The following USP47 variants were observed in gnomAD, a reference collection of about 807,000 sequenced individuals.
USP47 encodes the protein ubiquitin carboxyl-terminal hydrolase 47.
USP47 carries 35 observed loss-of-function variants against 165.1 expected under a neutral mutation model. The observed-to-expected ratio is 0.21, with a 90% CI of 0.16 to 0.28. The LOEUF is 0.28. Ranked by LOEUF, USP47 falls within the 10% of genes least tolerant of loss-of-function variation. The pLI is 1.00. For synonymous variants in USP47, 531 were observed against 544.5 expected (o/e 0.98, Z 0.35); for missense variants, 1,277 against 1,607.4 (o/e 0.79, Z 3.52).
chr11:11,854,832 G>A lies in USP47; in HGVS notation c.39+12608G>A, dbSNP rs1365845442. 3.5e-4 allele frequency among the ~76,000 whole-genome samples: 52 copies of A among 146,970 alleles called. 6 individuals carry two copies. Among genetic ancestry groups the A allele is most frequent in the Non-Finnish European group, 6.4e-4 (42 of 65,556 alleles). On this transcript the variant is annotated intron_variant, in intron 1 of 27. Transcript: ENST00000527733. ...ACATAGGCCGGGTGTGGTGGCTCAC[G>A]CCTGTAATCCCAGCACTTTGGGAGG...
intron 5 of USP47, among the ~76,000 whole-genome samples, chr11:11,901,556 T>A (rs556077945): frequency 2.0e-5 from 3 of 152,218 alleles, no homozygotes; most frequent in African/African-American, 7.2e-5. Context: ...TAGACTGCTG[T>A]TTATCATAAG....
chr11:11,939,520 AAAGT>A (rs1383291349), intron 18 of USP47, among the ~76,000 whole-genome samples: 2 of 152,092 alleles, frequency 1.3e-5, no homozygotes, highest in Non-Finnish European at 2.9e-5. Flanking sequence ...CAATTTTGCT[AAAGT>A]AATAACCAAG....
chr11:11,877,803 C>CTCTCTCTT (rs1850545871), intron 1 of USP47, among the ~76,000 whole-genome samples: 2 of 42,958 alleles, frequency 4.7e-5, no homozygotes, highest in Non-Finnish European at 9.5e-5. Context: ...CTCTCTCTCT[C>CTCTCTCTT]TCTGTGTGTG....
intron 20 of USP47, among the ~76,000 whole-genome samples, chr11:11,947,194 G>A (rs72857634): frequency 0.13 from 19,452 of 152,128 alleles, 1,586 homozygotes; most frequent in Middle Eastern, 0.38. Flanking sequence ...TATAAAATTA[G>A]GGACAAAAGA....
chr11:11,891,457 T>C (rs897526185), intron 3 of USP47, among the ~76,000 whole-genome samples: 33 of 152,254 alleles, frequency 2.2e-4, no homozygotes, highest in African/African-American at 7.7e-4. Flanking sequence ...AGATTTTGAT[T>C]AGTCTGAGTG....
At chr11:11,911,258 T>G (rs576183819) in intron 8 of USP47, among the ~76,000 whole-genome samples, 3 of 152,116 alleles carry the variant, frequency 2.0e-5, no homozygotes, top group Non-Finnish European at 4.4e-5. Flanking sequence ...TAGCACTGTG[T>G]CATTGGAATA....
At position 11,956,098 on chromosome 11, in the gene USP47, A is replaced by G. The variant is rs1354736329; in HGVS notation, c.3991A>G (p.Thr1331Ala). The G allele has an allele frequency of 1.9e-6, 3 of 1,613,804 alleles. No homozygotes were observed. The highest frequency in any genetic ancestry group is 1.7e-6 in the Non-Finnish European group (2 of 1,179,892). The change falls in exon 28 of 28, where the codon ACA becomes GCA. Residue 1331 changes from threonine to alanine, a missense_variant. Coordinates refer to ENST00000527733, the MANE Select transcript of USP47 (RefSeq NM_001282659.2). The stretch of plus-strand genomic sequence containing the variant: ...ACTCCAGAAGACTGGACATCGTGTA[A>G]CATACTCACCTCGTAAAGAGAAAGC... ...SRLQKTGHRV[T>A]YSPRKEKALK... is the part of the protein sequence containing the mutation.
At chr11:11,881,050 A>G (rs1850795821) in intron 2 of USP47, among the ~76,000 whole-genome samples, 3 of 152,036 alleles carry the variant, frequency 2.0e-5, no homozygotes, top group African/African-American at 7.2e-5. Context: ...TATCCATTAT[A>G]TTTAGTTTCT....
chr11:11,884,605 T>A (rs1468062048), intron 3 of USP47, 25 bp downstream of exon 3: 1 of 1,557,588 alleles, frequency 6.4e-7, no homozygotes, highest in South Asian at 1.2e-5. Flanking sequence ...AAGCCCCATA[T>A]TTATAATTTT....
Position 11,957,932 on chromosome 11 carries a change from A to C in USP47, c.*1757A>C, listed in dbSNP as rs1847279479. 6.6e-6 allele frequency: 1 copy of C among 152,200 alleles called. No individual in the cohort carries two copies. Among genetic ancestry groups the C allele is most frequent in the Admixed American group, 6.5e-5 (1 of 15,270 alleles). 9.4% of individuals were successfully genotyped at this position (152,200 alleles called of 1,614,324 possible). A position where few individuals can be genotyped will look rare whatever the true frequency, so the allele number is the denominator to read the frequency against. ...GCATTTAGCGAAATTTGACTGAAGT[A>C]ATGTTCTGAGTTTGCATTAGTGGGA... On this transcript the variant is annotated 3_prime_UTR_variant, in exon 28 of 28. Coordinates refer to ENST00000527733, the MANE Select transcript of USP47 (RefSeq NM_001282659.2).
At chr11:11,910,252 A>G (rs1852866459) in intron 8 of USP47, among the ~76,000 whole-genome samples, 1 of 152,218 alleles carries the variant, frequency 6.6e-6, no homozygotes, top group Non-Finnish European at 1.5e-5. Flanking sequence ...TCAGCACCCA[A>G]GGAATAACAC....
intron 1 of USP47, among the ~76,000 whole-genome samples, chr11:11,848,182 A>AC (rs1304617612): frequency 1.3e-5 from 2 of 152,226 alleles, no homozygotes; most frequent in African/African-American, 4.8e-5. Flanking sequence ...CTGCAGAACT[A>AC]TAGTCACTTG....
intron 1 of USP47, among the ~76,000 whole-genome samples, chr11:11,852,702 CTGTT>C (rs1848796244): frequency 6.6e-6 from 1 of 152,122 alleles, no homozygotes; most frequent in Admixed American, 6.5e-5. Flanking sequence ...AATTGTGTTT[CTGTT>C]TGTTTGGGGT....
At chr11:11,880,423 A>ATTG (rs1317677774) in intron 2 of USP47, 43 bp downstream of exon 2, 1 of 1,246,698 alleles carries the variant, frequency 8.0e-7, no homozygotes, top group African/African-American at 1.6e-5. Flanking sequence ...TATTATAGCC[A>ATTG]TTGTTGTTGT....
intron 20 of USP47, among the ~76,000 whole-genome samples, chr11:11,947,221 T>A (rs1855901185): frequency 6.6e-6 from 1 of 152,098 alleles, no homozygotes; most frequent in South Asian, 2.1e-4. Context: ...TAATAAGCAT[T>A]AGGGAAAAAC....
intron 1 of USP47, among the ~76,000 whole-genome samples, chr11:11,843,944 T>G (rs1848286789): frequency 1.3e-5 from 2 of 152,202 alleles, no homozygotes; most frequent in Non-Finnish European, 2.9e-5. Flanking sequence ...TGTCTATTCC[T>G]TAGTCTCATC....
chr11:11,900,515 G>A (rs1258098221), intron 5 of USP47, among the ~76,000 whole-genome samples: 1 of 152,120 alleles, frequency 6.6e-6, no homozygotes, highest in Non-Finnish European at 1.5e-5. Context: ...TTGATTTGGA[G>A]TCATATACGT....
chr11:11,885,927 T>C (rs1006157587), intron 3 of USP47, among the ~76,000 whole-genome samples: 1 of 152,202 alleles, frequency 6.6e-6, no homozygotes, highest in Non-Finnish European at 1.5e-5. Flanking sequence ...TCACTGGTGA[T>C]ACCTCCAGGT....
rs748156116 is a variant in USP47 at position 11,943,009 on chromosome 11, T to C, written c.2988T>C (p.Asp996=). The part of the protein sequence containing the change: ...WDTAEEDSGT[D]SEYDESGKSR... ...CAGCAGAAGAAGACTCTGGAACTGA[T>C]AGTGAATATGATGAGAGTGGCAAGA... is the stretch of plus-strand genomic sequence containing the variant. Residue 996 remains aspartate, a synonymous_variant, in exon 20 of 28, where the codon GAT becomes GAC. Transcript: ENST00000527733. The C allele has an allele frequency of 6.2e-7, 1 of 1,613,508 alleles. No homozygotes were observed. The highest frequency in any genetic ancestry group is 1.1e-5 in the South Asian group (1 of 91,052).
Sources: gnomAD v4.1 joint callset for allele counts (sites outside exome capture counted in the v4.1 genomes callset) on GRCh38, gnomAD v4.1.1 for gene constraint, MANE v1.5 for transcripts, NCBI Gene and HGNC (gene_info 2026-07-23, HGNC 2026-07-21) for gene names.